Variants in RIN3 observed in about 807,000 individuals in gnomAD.
RIN3 encodes the protein RAB5 interacting protein 3.
In RIN3, 54 loss-of-function variants were observed where a neutral mutation model predicts 76.3. The ratio of observed to expected loss-of-function variants is 0.71; its 90% confidence interval spans 0.57 to 0.89. The LOEUF (loss-of-function observed/expected upper bound fraction) is 0.89. Ranked by LOEUF, RIN3 falls within the 40% of genes least tolerant of loss-of-function variation. The pLI is 0.00. For missense variants in RIN3, 1,256 were observed against 1,322.1 expected, an observed-to-expected ratio of 0.95 and a Z score of 0.78; for synonymous variants, 576 against 564.0, an observed-to-expected ratio of 1.02 and a Z score of -0.30.
intron 5 of RIN3, among the ~76,000 whole-genome samples, chr14:92,646,745 G>A (rs1887216237): frequency 6.6e-6 from 1 of 152,202 alleles, no homozygotes; most frequent in African/African-American, 2.4e-5. Context: ...CCGGCCATGT[G>A]TGTTTGTTTT....
chr14:92,543,792 A>G (rs911756298), intron 1 of RIN3, among the ~76,000 whole-genome samples: 1 of 151,908 alleles, frequency 6.6e-6, no homozygotes, highest in Non-Finnish European at 1.5e-5. Flanking sequence ...TATGTTGGCC[A>G]GGCTGGAAGG....
intron 2 of RIN3, among the ~76,000 whole-genome samples, chr14:92,564,885 G>C (rs1897875808): frequency 6.6e-6 from 1 of 152,228 alleles, no homozygotes; most frequent in Non-Finnish European, 1.5e-5. Context: ...TCCCAGAGAG[G>C]AGAGAGGTTG....
Position 92,533,011 on chromosome 14 carries a change from G to A in RIN3, c.44+19035G>A, listed in dbSNP as rs918628429. On this transcript the variant is annotated intron_variant, in intron 1 of 9. Coordinates refer to ENST00000216487, the MANE Select transcript of RIN3 (RefSeq NM_024832.5). Reference sequence around the variant, plus strand: ...GGGCCGGCAAACACTGCAACAGATGGCACAGGACTGGATTTGCTTTCCAGA... The same window carrying A: ...GGGCCGGCAAACACTGCAACAGATGACACAGGACTGGATTTGCTTTCCAGA... Among the ~76,000 whole-genome samples the A allele has an allele frequency of 9.2e-5, 14 of 152,204 alleles. 1 individual carries two copies. The highest frequency in any genetic ancestry group is 2.9e-4 in the African/African-American group (12 of 41,448).
At chr14:92,670,496 A>C (rs1888253856) in intron 7 of RIN3, among the ~76,000 whole-genome samples, 1 of 152,186 alleles carries the variant, frequency 6.6e-6, no homozygotes, top group African/African-American at 2.4e-5. Context: ...CTGGGGTTCC[A>C]GGCTGCTCAG....
chr14:92,670,258 G>A (rs1364883154), intron 7 of RIN3, among the ~76,000 whole-genome samples: 1 of 152,160 alleles, frequency 6.6e-6, no homozygotes, highest in Non-Finnish European at 1.5e-5. Flanking sequence ...TTTTTGAAAT[G>A]TGATCAGCTA....
At chr14:92,627,202 T>C (rs1427607925) in intron 4 of RIN3, among the ~76,000 whole-genome samples, 1 of 152,216 alleles carries the variant, frequency 6.6e-6, no homozygotes, top group Non-Finnish European at 1.5e-5. Flanking sequence ...CTTGACTGTG[T>C]GTGTGGCCCA....
At chr14:92,606,474 T>G (rs1218619960) in intron 3 of RIN3, among the ~76,000 whole-genome samples, 1 of 152,104 alleles carries the variant, frequency 6.6e-6, no homozygotes, top group Non-Finnish European at 1.5e-5. Context: ...AAACCCAGGA[T>G]GTTCAGGCTA....
chr14:92,520,200 C>T lies in RIN3; in HGVS notation c.44+6224C>T, dbSNP rs536331075. Among the ~76,000 whole-genome samples, 97 of 152,362 alleles carry T rather than the reference C, an allele frequency of 6.4e-4. 1 individual carries two copies. Among genetic ancestry groups the T allele is most frequent in the Middle Eastern group, 6.8e-3 (2 of 294 alleles). On this transcript the variant is annotated intron_variant, in intron 1 of 9. Transcript: ENST00000216487. ...TCTTTTTAGCAGAAATGGCCTAGGC[C>T]GTGGTTGTGGTCAAGGCCTGTTGTC...
At position 92,513,955 on chromosome 14, in the gene RIN3, C is replaced by A. The variant is rs1342577442; in HGVS notation, c.23C>A (p.Pro8His). Residue 8 changes from proline to histidine, a missense_variant, in exon 1 of 10, where the codon CCC (proline) becomes CAC (histidine). Coordinates refer to ENST00000216487, the MANE Select transcript of RIN3 (RefSeq NM_024832.5). ...GGCATGATCCGACACGCCGGGGCGC[C>A]CGCGCGCGGGGACCCCACGGGGTAA... MIRHAGA[P>H]ARGDPTGPVP... 10 of 1,245,930 alleles carry A rather than the reference C, an allele frequency of 8.0e-6. No individual in the cohort carries two copies. In the African/African-American group the frequency reaches 1.4e-4, roughly 17 times the overall value. 77.2% of individuals were successfully genotyped at this position (1,245,930 alleles called of 1,614,324 possible). A position where few individuals can be genotyped will look rare whatever the true frequency, so the allele number is the denominator to read the frequency against.
chr14:92,517,045 A>G (rs904695610), intron 1 of RIN3, among the ~76,000 whole-genome samples: 1 of 152,202 alleles, frequency 6.6e-6, no homozygotes, highest in African/African-American at 2.4e-5. Flanking sequence ...GCCAGAGCAG[A>G]GACGGAAAGA....
intron 7 of RIN3, among the ~76,000 whole-genome samples, chr14:92,667,677 A>G (rs746385): frequency 0.11 from 17,393 of 152,214 alleles, 1,089 homozygotes; most frequent in Admixed American, 0.14. Flanking sequence ...GCTGCTATAA[A>G]CATTTGCTGC....
chr14:92,545,671 C>T (rs1414642870), intron 1 of RIN3, among the ~76,000 whole-genome samples: 1 of 149,952 alleles, frequency 6.7e-6, no homozygotes, highest in African/African-American at 2.5e-5. Flanking sequence ...GCCTCAATCT[C>T]CCCGGGCTCA....
intron 4 of RIN3, among the ~76,000 whole-genome samples, chr14:92,624,546 C>A (rs1886286090): frequency 6.6e-6 from 1 of 152,196 alleles, no homozygotes; most frequent in South Asian, 2.1e-4. Flanking sequence ...ACGACATATT[C>A]CCAAGTATGA....
intron 2 of RIN3, among the ~76,000 whole-genome samples, chr14:92,563,841 T>C (rs947905759): frequency 6.6e-6 from 1 of 152,256 alleles, no homozygotes; most frequent in African/African-American, 2.4e-5. Flanking sequence ...TGTCCCTTTA[T>C]TCCATTTCCA....
chr14:92,614,517 G>C (rs1285816281), intron 3 of RIN3, among the ~76,000 whole-genome samples: 1 of 152,108 alleles, frequency 6.6e-6, no homozygotes, highest in Non-Finnish European at 1.5e-5. Context: ...GATATGGTTT[G>C]GCTGTGTCCT....
intron 3 of RIN3, among the ~76,000 whole-genome samples, chr14:92,582,055 G>A: frequency 6.6e-6 from 1 of 152,172 alleles, no homozygotes; most frequent in East Asian, 1.9e-4. Context: ...AGGGGGAGGT[G>A]TTTTTCTAAA....
At chr14:92,516,498 A>ATGTT (rs1896447316) in intron 1 of RIN3, among the ~76,000 whole-genome samples, 1 of 152,154 alleles carries the variant, frequency 6.6e-6, no homozygotes, top group South Asian at 2.1e-4. Flanking sequence ...CAAGGAGCTA[A>ATGTT]TGTTCCCTGG....
At chr14:92,670,814 A>G (rs1007177839) in intron 7 of RIN3, among the ~76,000 whole-genome samples, 8 of 152,130 alleles carry the variant, frequency 5.3e-5, no homozygotes, top group South Asian at 2.1e-4. Context: ...GTGGGCATCT[A>G]TCTCTTCCCA....
intron 4 of RIN3, among the ~76,000 whole-genome samples, chr14:92,636,202 G>A (rs1473929146): frequency 6.6e-6 from 1 of 152,090 alleles, no homozygotes; most frequent in African/African-American, 2.4e-5. Context: ...GGTTAGCATT[G>A]ATGAAAGAGG....
Sources: allele counts gnomAD v4.1 joint callset (sites outside exome capture counted in the v4.1 genomes callset), GRCh38; gene constraint gnomAD v4.1.1; transcripts MANE v1.5; gene names NCBI Gene and HGNC (gene_info 2026-07-23, HGNC 2026-07-21).